The following HK1 variants were observed in gnomAD, a reference collection of about 807,000 sequenced individuals.
HK1 encodes hexokinase 1, also known as hexokinase-1.
HK1 carries 28 observed loss-of-function variants against 91.6 expected under a neutral mutation model. That is an observed-to-expected ratio of 0.31 (90% CI 0.23 to 0.42). The LOEUF is 0.42. Ranked by LOEUF, HK1 falls within the 10% of genes least tolerant of loss-of-function variation. The probability of loss-of-function intolerance (pLI) is 1.00; values close to 1 mark genes in which losing one functional copy is unlikely to be tolerated. For missense variants in HK1, 770 were observed against 1,219.8 expected (o/e 0.63, Z 5.49); for synonymous variants, 430 against 468.1 (o/e 0.92, Z 1.05).
In HK1 at chr10:69,297,265, C is replaced by A. The variant is rs141814704; in HGVS notation, c.-67+1585C>A. ...AAGGAAGAGAGATAGATTTACTATTCTTTAAGTGGGAGTGGATCACCATGA... is the reference window on the plus strand; with the variant it reads ...AAGGAAGAGAGATAGATTTACTATTATTTAAGTGGGAGTGGATCACCATGA... On this transcript the variant is annotated intron_variant, in intron 4 of 21. Transcript: ENST00000360289. Among the ~76,000 whole-genome samples the A allele has an allele frequency of 4.4e-3, 665 of 152,180 alleles. 5 individuals are homozygous for A. The highest frequency in any genetic ancestry group is 0.014 in the Middle Eastern group (4 of 294).
chr10:69,384,811 G>T lies in HK1; in HGVS notation c.1735G>T (p.Val579Phe). ...GTGEELFDHI[V>F]SCISDFLDYM... The stretch of plus-strand genomic sequence containing the variant: ...TCCCCTGCAGCTGTTTGATCACATT[G>T]TCTCCTGCATCTCTGACTTCTTGGA... Residue 579 changes from valine to phenylalanine, a missense_variant, in exon 12 of 18, where the codon GTC (valine) becomes TTC (phenylalanine). Val to Phe is a conservative substitution (Grantham distance 50, BLOSUM62 -1). Transcript: ENST00000359426. The T allele has an allele frequency of 6.2e-7, 1 of 1,614,160 alleles. No homozygotes were observed. Among genetic ancestry groups the T allele is most frequent in the African/African-American group, 1.3e-5 (1 of 75,046 alleles).
At chr10:69,387,115 G>A (rs943637431) in intron 13 of HK1, among the ~76,000 whole-genome samples, 4 of 152,174 alleles carry the variant, frequency 2.6e-5, no homozygotes, top group African/African-American at 7.2e-5. Flanking sequence ...CAGCCACTCC[G>A]TCCGGGACCA....
intron 1 of HK1, among the ~76,000 whole-genome samples, chr10:69,340,259 T>A (rs1449454698): frequency 6.6e-6 from 1 of 152,150 alleles, no homozygotes; most frequent in South Asian, 2.1e-4. Context: ...TTAAAAAAAA[T>A]TTTTTGAGAT....
chr10:69,378,806 A>G (rs985904830), intron 8 of HK1, among the ~76,000 whole-genome samples: 3 of 152,248 alleles, frequency 2.0e-5, no homozygotes, highest in Non-Finnish European at 4.4e-5. Flanking sequence ...GAATTGGGAA[A>G]GTCCCACACT....
At chr10:69,394,927 C>G in intron 15 of HK1, 23 bp from the exon 16 acceptor site, 1 of 1,613,788 alleles carries the variant, frequency 6.2e-7, no homozygotes, top group Non-Finnish European at 8.5e-7. Flanking sequence ...CATAGACACC[C>G]CAGGCCCCTC....
At position 69,376,964 on chromosome 10, in the gene HK1, G is replaced by A. The variant is rs2132855002; in HGVS notation, c.906G>A (p.Leu302=). The stretch of plus-strand genomic sequence containing the variant: ...AGAAGATGGTCAGTGGCATGTACTT[G>A]GGAGAGCTGGTTCGACTGATCCTAG... ...LFEKMVSGMY[L]GELVRLILVK... Residue 302 remains leucine (L), a synonymous_variant, in exon 8 of 18, where the codon TTG becomes TTA. Transcript: ENST00000359426. The A allele has an allele frequency of 6.2e-7, 1 of 1,614,174 alleles. No homozygotes were observed. Among genetic ancestry groups the A allele is most frequent in the Non-Finnish European group, 8.5e-7 (1 of 1,180,034 alleles).
Position 69,369,474 on chromosome 10 carries a change from T to C in HK1, c.725T>C (p.Leu242Pro), listed in dbSNP as rs1312309018. The C allele has an allele frequency of 6.2e-7, 1 of 1,614,192 alleles. No homozygotes were observed. The highest frequency in any genetic ancestry group is 1.7e-5 in the Admixed American group (1 of 60,020). The change falls in exon 7 of 18, where the codon CTG becomes CCG. Residue 242 changes from leucine (L) to proline (P), a missense_variant. By Grantham distance (98) the Leu-to-Pro change is moderately conservative. Transcript: ENST00000359426. The surrounding 1 kb of genome is among the most constrained non-coding windows in gnomAD (Gnocchi z 4.4). ...ACCAATGCTTGCTACATGGAGGAAC[T>C]GAGGCACATTGATCTGGTGGAAGGA... ...TGTNACYMEE[L>P]RHIDLVEGDE...
At chr10:69,292,971 T>C (rs1341749755) in intron 3 of HK1, among the ~76,000 whole-genome samples, 2 of 152,110 alleles carry the variant, frequency 1.3e-5, no homozygotes, top group Non-Finnish European at 2.9e-5. Context: ...TAGTGGTAGG[T>C]GGAAAGGTGG....
chr10:69,271,873 CTTTTT>C (rs1196555924), intron 1 of HK1, among the ~76,000 whole-genome samples: 1 of 145,286 alleles, frequency 6.9e-6, no homozygotes, highest in Non-Finnish European at 1.5e-5. Flanking sequence ...CTTTTTTTTT[CTTTTT>C]TTTGAGATGG....
chr10:69,279,800 T>A (rs1384188782), intron 1 of HK1, among the ~76,000 whole-genome samples: 1 of 152,216 alleles, frequency 6.6e-6, no homozygotes, highest in Non-Finnish European at 1.5e-5. Flanking sequence ...TCGCAAAATT[T>A]ACTTAACATT....
chr10:69,272,995 G>T (rs1309762471), intron 1 of HK1, among the ~76,000 whole-genome samples: 3 of 139,832 alleles, frequency 2.1e-5, no homozygotes, highest in African/African-American at 2.7e-5. Context: ...TTTTCTCTGT[G>T]CTTCCGTTTG....
At chr10:69,335,621 C>G (rs1053812707) in intron 1 of HK1, among the ~76,000 whole-genome samples, 2 of 152,234 alleles carry the variant, frequency 1.3e-5, no homozygotes, top group Non-Finnish European at 2.9e-5. Context: ...ACCTCCTGGC[C>G]ACTCATTCTT....
At chr10:69,338,022 T>G in intron 1 of HK1, 1 of 163,468 alleles carries the variant, frequency 6.1e-6, no homozygotes, top group East Asian at 1.7e-4. Context: ...GCTAGGCCAT[T>G]GAGTTCTTTC....
chr10:69,284,057 A>C (rs1844900215), intron 2 of HK1, among the ~76,000 whole-genome samples: 1 of 152,174 alleles, frequency 6.6e-6, no homozygotes, highest in Non-Finnish European at 1.5e-5. Context: ...TGCTGTGCTG[A>C]TATTCCTCAC....
chr10:69,308,956 A>G (rs1163508640), intron 5 of HK1, among the ~76,000 whole-genome samples: 1 of 152,090 alleles, frequency 6.6e-6, no homozygotes, highest in Non-Finnish European at 1.5e-5. Context: ...CAGGCCACAG[A>G]CCAGTTGGGG....
intron 1 of HK1, among the ~76,000 whole-genome samples, chr10:69,340,434 G>A (rs1199779087): frequency 6.6e-6 from 1 of 152,130 alleles, no homozygotes; most frequent in Non-Finnish European, 1.5e-5. Flanking sequence ...ATTTTTAGTA[G>A]AGACCGGGTT....
chr10:69,336,698 G>T (rs1236430895), intron 1 of HK1, among the ~76,000 whole-genome samples: 3 of 141,474 alleles, frequency 2.1e-5, no homozygotes, highest in Non-Finnish European at 4.5e-5. Context: ...GGAGTGCAGT[G>T]GTGCAATCTC....
intron 1 of HK1, among the ~76,000 whole-genome samples, chr10:69,272,411 T>C (rs1446068471): frequency 6.6e-6 from 1 of 152,212 alleles, no homozygotes; most frequent in Non-Finnish European, 1.5e-5. Flanking sequence ...AGACAGATCT[T>C]AGATGGCAGA....
chr10:69,290,551 T>A (rs951260419), intron 3 of HK1, among the ~76,000 whole-genome samples: 1 of 152,178 alleles, frequency 6.6e-6, no homozygotes, highest in Non-Finnish European at 1.5e-5. Flanking sequence ...CAGGCTGGAA[T>A]GCTATGGTGC....
Sources: gnomAD v4.1 joint callset for allele counts (sites outside exome capture counted in the v4.1 genomes callset) on GRCh38, gnomAD v4.1.1 for gene constraint, Gnocchi (gnomAD v3.1) non-coding constraint, MANE v1.5 for transcripts, NCBI Gene and HGNC (gene_info 2026-07-23, HGNC 2026-07-21) for gene names.